Variants in BNC2 observed in about 807,000 individuals in gnomAD.
BNC2 encodes basonuclin zinc finger protein 2.
BNC2 carries 20 observed loss-of-function variants against 76.3 expected under a neutral mutation model. The observed-to-expected ratio is 0.26, with a 90% CI of 0.18 to 0.38. The LOEUF (loss-of-function observed/expected upper bound fraction) is 0.38. BNC2 is among the 10% of genes least tolerant of loss of function. The pLI, the probability that BNC2 is intolerant of heterozygous loss-of-function variation, is 1.00. For synonymous variants in BNC2, 582 were observed against 514.8 expected, an observed-to-expected ratio of 1.13 and a Z score of -1.77; for missense variants, 1,382 against 1,399.8, an observed-to-expected ratio of 0.99 and a Z score of 0.20.
chr9:16,647,952 C>T (rs941924871), intron 3 of BNC2, among the ~76,000 whole-genome samples: 3 of 151,962 alleles, frequency 2.0e-5, no homozygotes, highest in African/African-American at 7.2e-5. Context: ...AAATGAATTC[C>T]CACCACCAGA....
At position 16,689,262 on chromosome 9, in the gene BNC2, T is replaced by C. The variant is rs143690345; in HGVS notation, c.330+38535A>G. Among the ~76,000 whole-genome samples, 273 of 151,634 alleles carry C rather than the reference T, an allele frequency of 1.8e-3. 2 individuals are homozygous for C. The highest frequency in any genetic ancestry group is 0.017 in the Middle Eastern group (5 of 290). On this transcript the variant is annotated intron_variant, in intron 3 of 6. Transcript: ENST00000380672. The stretch of plus-strand genomic sequence containing the variant: ...AAATGGGAGCTACCGTTGAAAATAT[T>C]TGAAGATGAATGGCTGTGAAAAATG...
intron 5 of BNC2, among the ~76,000 whole-genome samples, chr9:16,471,281 G>C (rs1247768534): frequency 3.3e-5 from 5 of 150,144 alleles, no homozygotes; most frequent in Non-Finnish European, 7.4e-5. Flanking sequence ...GAAGTAACTA[G>C]CTTGCTTTTG....
intron 1 of BNC2, among the ~76,000 whole-genome samples, chr9:16,804,618 C>T (rs1817859889): frequency 2.0e-5 from 3 of 152,192 alleles, no homozygotes. Flanking sequence ...TCTCCAATTC[C>T]TTAAAAACCA....
At chr9:16,772,038 T>C (rs1310227335) in intron 1 of BNC2, among the ~76,000 whole-genome samples, 1 of 152,220 alleles carries the variant, frequency 6.6e-6, no homozygotes, top group African/African-American at 2.4e-5. Flanking sequence ...AGCCTCAGCC[T>C]TAATCTTAAA....
At chr9:16,820,423 T>C (rs900453493) in intron 1 of BNC2, among the ~76,000 whole-genome samples, 1 of 151,500 alleles carries the variant, frequency 6.6e-6, no homozygotes, top group African/African-American at 2.4e-5. Context: ...CAAAATTTCG[T>C]TCCAAAAAAA....
intron 1 of BNC2, among the ~76,000 whole-genome samples, chr9:16,843,747 T>G (rs1818891833): frequency 6.6e-6 from 1 of 152,224 alleles, no homozygotes; most frequent in Non-Finnish European, 1.5e-5. Flanking sequence ...CAAATGTGTG[T>G]GGAAGGAGAA....
intron 1 of BNC2, among the ~76,000 whole-genome samples, chr9:16,856,024 CAGTA>C (rs1271600350): frequency 3.3e-5 from 5 of 152,098 alleles, no homozygotes; most frequent in African/African-American, 4.8e-5. Flanking sequence ...ACTAGTAAAA[CAGTA>C]AGTAAGACAC....
At chr9:16,715,756 G>C (rs1823980984) in intron 3 of BNC2, among the ~76,000 whole-genome samples, 1 of 152,054 alleles carries the variant, frequency 6.6e-6, no homozygotes, top group Non-Finnish European at 1.5e-5. Flanking sequence ...GTTCCCACTA[G>C]ACTCACTCTA....
chr9:16,599,509 C>T (rs989149923), intron 3 of BNC2, among the ~76,000 whole-genome samples: 2 of 152,288 alleles, frequency 1.3e-5, no homozygotes, highest in Admixed American at 6.5e-5. Flanking sequence ...TGAGGCCAGG[C>T]GCAGTGGCTC....
rs545075844 is a variant in BNC2, at chr9:16,791,406, T to C, written c.4-52921A>G. On this transcript the variant is annotated intron_variant, in intron 1 of 6. Coordinates refer to ENST00000380672, the MANE Select transcript of BNC2 (RefSeq NM_017637.6). Reference sequence around the variant, plus strand: ...ATGATAACTGAAACTTGGACTGTGTTGAGGGACTAGTATTATTTAGTTAAC... The same window carrying C: ...ATGATAACTGAAACTTGGACTGTGTCGAGGGACTAGTATTATTTAGTTAAC... Among the ~76,000 whole-genome samples, 19 of 152,264 alleles carry C rather than the reference T, an allele frequency of 1.2e-4. 1 individual carries two copies. Among genetic ancestry groups the C allele is most frequent in the African/African-American group, 4.3e-4 (18 of 41,544 alleles).
At chr9:16,545,504 G>T (rs1300439915) in intron 5 of BNC2, among the ~76,000 whole-genome samples, 1 of 152,122 alleles carries the variant, frequency 6.6e-6, no homozygotes, top group Non-Finnish European at 1.5e-5. Flanking sequence ...CACACATCTA[G>T]TAAGACCTGA....
At chr9:16,677,539 C>G (rs1822683880) in intron 3 of BNC2, among the ~76,000 whole-genome samples, 1 of 146,416 alleles carries the variant, frequency 6.8e-6, no homozygotes, top group Non-Finnish European at 1.5e-5. Context: ...CGCCACTGCA[C>G]TCCAGCCCGG....
chr9:16,582,000 A>G (rs1043615419), intron 4 of BNC2, among the ~76,000 whole-genome samples: 1 of 152,082 alleles, frequency 6.6e-6, no homozygotes, highest in Non-Finnish European at 1.5e-5. Context: ...GATAAATTAA[A>G]AGCATTTCGA....
intron 3 of BNC2, among the ~76,000 whole-genome samples, chr9:16,647,346 CG>C (rs1323359756): frequency 1.3e-5 from 2 of 151,878 alleles, no homozygotes; most frequent in African/African-American, 4.8e-5. Flanking sequence ...GTGTGTGGTA[CG>C]GGTGGGGGCC....
intron 1 of BNC2, among the ~76,000 whole-genome samples, chr9:16,776,400 A>G (rs575164993): frequency 2.5e-4 from 38 of 152,122 alleles, no homozygotes; most frequent in Non-Finnish European, 4.7e-4. Flanking sequence ...TCAGCCTCCA[A>G]AAGTGCTAGG....
chr9:16,774,243 A>G (rs1586872536), intron 1 of BNC2, among the ~76,000 whole-genome samples: 1 of 152,170 alleles, frequency 6.6e-6, no homozygotes, highest in African/African-American at 2.4e-5. Context: ...TCAGCCTCCC[A>G]AAGTGCTGGG....
At chr9:16,618,692 T>C (rs1307393054) in intron 3 of BNC2, among the ~76,000 whole-genome samples, 1 of 152,214 alleles carries the variant, frequency 6.6e-6, no homozygotes, top group African/African-American at 2.4e-5. Flanking sequence ...ACTCATCCTT[T>C]CCACATGAGC....
chr9:16,558,153 C>G (rs565601560), intron 4 of BNC2, among the ~76,000 whole-genome samples: 10 of 152,234 alleles, frequency 6.6e-5, no homozygotes, highest in African/African-American at 2.4e-4. Context: ...CAGACAATAC[C>G]AGTATTTCAT....
At position 16,419,474 on chromosome 9, in the gene BNC2, C is replaced by G. The variant is rs140165119; in HGVS notation, c.2815G>C (p.Ala939Pro). 1.2e-6 allele frequency: 2 copies of G among 1,613,908 alleles called. No homozygotes were observed. Among genetic ancestry groups the G allele is most frequent in the Non-Finnish European group, 1.7e-6 (2 of 1,179,924 alleles). Residue 939 changes from alanine (A) to proline (P), a missense_variant, in exon 7 of 7, where the codon GCA becomes CCA. Ala to Pro is a conservative substitution (Grantham distance 27). Around this residue, in one of 3 missense-constraint regions of BNC2, gnomAD observed 798 missense variants for 775.5 expected, o/e 1.03. Transcript: ENST00000380672. ...LDVREDASSP[A>P]GTEDSHLNGY... Reference sequence around the variant, plus strand: ...TTCAGGTGGGAGTCTTCAGTCCCTGCGGGAGAGGAGGCGTCTTCCCTGACA... The same window carrying G: ...TTCAGGTGGGAGTCTTCAGTCCCTGGGGGAGAGGAGGCGTCTTCCCTGACA...
Sources: gnomAD v4.1 joint callset for allele counts (sites outside exome capture counted in the v4.1 genomes callset) on GRCh38, gnomAD v4.1.1 for gene constraint, gnomAD v4.1.1 regional missense constraint, MANE v1.5 for transcripts, NCBI Gene and HGNC (gene_info 2026-07-23, HGNC 2026-07-21) for gene names.